The following FANCD2 variants were observed in gnomAD, a reference collection of about 807,000 sequenced individuals.
The protein encoded by FANCD2 is FA complementation group D2, also known as Fanconi anemia group D2 protein.
FANCD2 carries 131 observed loss-of-function variants against 192.3 expected under a neutral mutation model. That is an observed-to-expected ratio of 0.68 (90% CI 0.59 to 0.79). The LOEUF is 0.79. FANCD2 is among the 30% of genes least tolerant of loss of function. The probability of loss-of-function intolerance (pLI) is 0.00; values close to 1 mark genes in which losing one functional copy is unlikely to be tolerated. For missense variants in FANCD2, 1,508 were observed against 1,701.6 expected (o/e 0.89, Z 2.00); for synonymous variants, 524 against 612.5 (o/e 0.86, Z 2.13).
At chr3:10,075,688 T>C (rs1693494255) in intron 29 of FANCD2, among the ~76,000 whole-genome samples, 1 of 151,976 alleles carries the variant, frequency 6.6e-6, no homozygotes, top group Non-Finnish European at 1.5e-5. Context: ...TCACCTGAAA[T>C]TTACACGAAT....
Position 10,085,829 on chromosome 3 carries a change from C to T in FANCD2, c.3242C>T (p.Pro1081Leu), listed in dbSNP as rs775561668. ...GLFAWSGFSQPENQNLLYSAL... is the reference protein window; with the variant it reads ...GLFAWSGFSQLENQNLLYSAL... ...TTCCTTAGGAGTGGATTTTCTCAAC[C>T]TGAAAATCAGAATTTACTGTATTCA... The change falls in exon 33 of 44, where the codon CCT becomes CTT. Residue 1081 changes from proline to leucine, a missense_variant. Physicochemically the swap from Pro to Leu is moderately conservative, Grantham distance 98. Coordinates refer to ENST00000675286, the MANE Select transcript of FANCD2 (RefSeq NM_001018115.3). 1.2e-6 allele frequency: 2 copies of T among 1,612,614 alleles called. No individual in the cohort carries two copies. The highest frequency in any genetic ancestry group is 1.7e-6 in the Non-Finnish European group (2 of 1,178,720).
intron 37 of FANCD2, among the ~76,000 whole-genome samples, chr3:10,091,025 G>A (rs1694574558): frequency 6.6e-6 from 1 of 151,926 alleles, no homozygotes; most frequent in Non-Finnish European, 1.5e-5. Flanking sequence ...AGCTAGACAA[G>A]TAAGAGAAAG....
In FANCD2 at chr3:10,073,373, G is replaced by A; in HGVS notation, c.2715+11G>A. 9.0e-6 allele frequency: 14 copies of A among 1,553,626 alleles called. No homozygotes were observed. The highest frequency in any genetic ancestry group is 1.2e-5 in the Non-Finnish European group (13 of 1,124,918). ...GGCCAGCTAAACAAGGTATTGGAAT[G>A]ATGGGTATCCGTGAAGGTTTGTGAC... On this transcript the variant is annotated intron_variant, in intron 28 of 43. Transcript: ENST00000675286.
At chr3:10,049,906 C>T (rs2087145857) in intron 17 of FANCD2, among the ~76,000 whole-genome samples, 1 of 152,160 alleles carries the variant, frequency 6.6e-6, no homozygotes, top group South Asian at 2.1e-4. Flanking sequence ...ATGGGAAGTG[C>T]GTTCTAGGCA....
In FANCD2 at chr3:10,032,906, A is replaced by G. The variant is rs760450030; in HGVS notation, c.139A>G (p.Ile47Val). 1.0e-5 allele frequency: 16 copies of G among 1,603,938 alleles called. No individual in the cohort carries two copies. The highest frequency in any genetic ancestry group is 4.0e-5 in the African/African-American group (3 of 74,718). Residue 47 changes from isoleucine to valine, a missense_variant, in exon 3 of 44, where the codon ATC (isoleucine) becomes GTC (valine). By Grantham distance (29) the Ile-to-Val change is conservative (BLOSUM62 3). This residue lies in a region of FANCD2 where 435 missense variants were observed against 421.9 expected (regional missense o/e 1.03). Transcript: ENST00000675286. ...IANEVEENDS[I>V]FVKLLKISGI... is the part of the protein sequence containing the mutation. ...TAATGAAGTTGAAGAAAATGACAGC[A>G]TCTTTGTAAAGCTTCTTAAGATATC...
rs35086642 is a variant in FANCD2, at chr3:10,030,096, A to AT, written c.64+1392dup. Among the ~76,000 whole-genome samples the AT allele has an allele frequency of 9.1e-4, 113 of 124,288 alleles. 1 individual carries two copies. Among genetic ancestry groups the AT allele is most frequent in the East Asian group, 8.1e-3 (31 of 3,816 alleles). 81.5% of individuals were successfully genotyped at this position (124,288 alleles called of 152,430 possible). A position where few individuals can be genotyped will look rare whatever the true frequency, so the allele number is the denominator to read the frequency against. On this transcript the variant is annotated intron_variant, in intron 2 of 43. Coordinates refer to ENST00000675286, the MANE Select transcript of FANCD2 (RefSeq NM_001018115.3). ...GCCACCACGCCTGGCCCATTATATC[A>AT]TTTTTTTTTTTTTTTTTGAGATGGA...
intron 29 of FANCD2, among the ~76,000 whole-genome samples, chr3:10,075,459 C>T (rs1005681974): frequency 6.6e-6 from 1 of 152,176 alleles, no homozygotes; most frequent in Non-Finnish European, 1.5e-5. Flanking sequence ...GCTGGGATTA[C>T]AGGCGCAAGC....
In FANCD2 at chr3:10,101,322, A is replaced by G. The variant is rs545353445; in HGVS notation, c.*60A>G. On this transcript the variant is annotated 3_prime_UTR_variant, in exon 44 of 44. Coordinates refer to ENST00000675286, the MANE Select transcript of FANCD2 (RefSeq NM_001018115.3). ...TGCCAGCCTGTGATCATTTTGTGTT[A>G]GAGTTTGAAATCCGCTGTTTGCCTT... is the stretch of plus-strand genomic sequence containing the variant. 5.8e-6 allele frequency: 7 copies of G among 1,208,480 alleles called. No homozygotes were observed. The African/African-American group carries it at 1.1e-4, about 18-fold the overall frequency. 74.9% of individuals were successfully genotyped at this position (1,208,480 alleles called of 1,614,324 possible). A position where few individuals can be genotyped will look rare whatever the true frequency, so the allele number is the denominator to read the frequency against.
At chr3:10,065,782 C>T (rs1382134163) in intron 24 of FANCD2, 82 bp from the exon 25 acceptor site, 6 of 865,984 alleles carry the variant, frequency 6.9e-6, no homozygotes, top group Non-Finnish European at 1.2e-5. Context: ...AAGTAAATAG[C>T]AAGGACAGCT....
At chr3:10,091,052 C>G (rs1174692978) in intron 37 of FANCD2, among the ~76,000 whole-genome samples, 2 of 151,792 alleles carry the variant, frequency 1.3e-5, no homozygotes, top group African/African-American at 4.8e-5. Flanking sequence ...CATAGGGAAG[C>G]AGAGAAGCTA....
intron 17 of FANCD2, among the ~76,000 whole-genome samples, chr3:10,050,953 G>A (rs540101805): frequency 6.7e-4 from 102 of 152,110 alleles, no homozygotes; most frequent in African/African-American, 2.3e-3. Flanking sequence ...GGGCATTGTG[G>A]TGCATGCCTG....
intron 18 of FANCD2, among the ~76,000 whole-genome samples, chr3:10,054,575 C>A (rs1296356597): frequency 1.4e-5 from 2 of 142,582 alleles, no homozygotes; most frequent in African/African-American, 5.2e-5. Flanking sequence ...ACTCCGCCTC[C>A]CAGGTTCCCG....
At chr3:10,031,242 G>T (rs534247470) in intron 2 of FANCD2, among the ~76,000 whole-genome samples, 1 of 151,996 alleles carries the variant, frequency 6.6e-6, no homozygotes, top group South Asian at 2.1e-4. Flanking sequence ...GGTGGCTCAC[G>T]CCTGTAATCC....
intron 43 of FANCD2, 114 bp from the exon 44 acceptor site, chr3:10,101,074 A>C: frequency 1.2e-6 from 1 of 819,374 alleles, no homozygotes; most frequent in Non-Finnish European, 2.0e-6. Flanking sequence ...TTAAAAAAAA[A>C]AAAAAGTTTT....
intron 15 of FANCD2, among the ~76,000 whole-genome samples, chr3:10,047,294 G>T (rs1228115899): frequency 6.6e-6 from 1 of 152,288 alleles, no homozygotes; most frequent in Non-Finnish European, 1.5e-5. Flanking sequence ...CATGTTTTGG[G>T]CTGTAATTTT....
chr3:10,073,950 T>A lies in FANCD2; in HGVS notation c.2716-580T>A, dbSNP rs868543105. Among the ~76,000 whole-genome samples the A allele has an allele frequency of 5.3e-5, 8 of 152,216 alleles. 1 individual carries two copies. Among genetic ancestry groups the A allele is most frequent in the African/African-American group, 1.9e-4 (8 of 41,526 alleles). On this transcript the variant is annotated intron_variant, in intron 28 of 43. Coordinates refer to ENST00000675286, the MANE Select transcript of FANCD2 (RefSeq NM_001018115.3). ...CCTAAGCTCACAGTTTTTTGTTTTT[T>A]GTTTTTTGTTTTTGAGATGGAGTCT...
At position 10,086,585 on chromosome 3, in the gene FANCD2, G is replaced by A. The variant is rs536916590; in HGVS notation, c.3336-549G>A. 7.2e-5 allele frequency among the ~76,000 whole-genome samples: 11 copies of A among 152,160 alleles called. 1 individual carries two copies. In the East Asian group the frequency reaches 9.6e-4, roughly 13 times the overall value. On this transcript the variant is annotated intron_variant, in intron 33 of 43. Transcript: ENST00000675286. The stretch of plus-strand genomic sequence containing the variant: ...CACCCTCCACCTCCTGGGCTCAAGT[G>A]ATTGTACTGCCTCAGCCTCCCAAGA...
At chr3:10,096,552 C>T (rs1694978948) in intron 42 of FANCD2, 80 bp downstream of exon 42, 2 of 1,343,906 alleles carry the variant, frequency 1.5e-6, no homozygotes, top group Non-Finnish European at 1.1e-6. Flanking sequence ...AGGAAGGTCA[C>T]CTAAGCCCTC....
rs1251711461 is a variant in FANCD2, at chr3:10,043,090, G to T, written c.929G>T (p.Cys310Phe). 1.2e-6 allele frequency: 2 copies of T among 1,614,124 alleles called. No homozygotes were observed. The highest frequency in any genetic ancestry group is 4.5e-5 in the East Asian group (2 of 44,872). ...ELREKLDLQHCVLPSRLQASQ... is the reference protein window; with the variant it reads ...ELREKLDLQHFVLPSRLQASQ... ...CGGGAGAAGTTGGATCTGCAGCATT[G>T]TGTTTTGCCATCACGGTTACAGGCT... Residue 310 changes from cysteine (C) to phenylalanine (F), a missense_variant, in exon 12 of 44, where the codon TGT becomes TTT. Transcript: ENST00000675286.
Sources: allele counts gnomAD v4.1 joint callset (sites outside exome capture counted in the v4.1 genomes callset), GRCh38; gene constraint gnomAD v4.1.1; regional missense constraint gnomAD v4.1.1; transcripts MANE v1.5; gene names NCBI Gene and HGNC (gene_info 2026-07-23, HGNC 2026-07-21).